Variants in COL5A2 observed in about 807,000 individuals in gnomAD.
COL5A2 encodes collagen alpha-2(V) chain.
In COL5A2, 23 loss-of-function variants were observed where a neutral mutation model predicts 208.2. The ratio of observed to expected loss-of-function variants is 0.11; its 90% CI spans 0.08 to 0.16. The LOEUF is 0.16. COL5A2 is among the 10% of genes least tolerant of loss of function. COL5A2 has a pLI of 1.00. For synonymous variants in COL5A2, 625 were observed against 628.5 expected, an observed-to-expected ratio of 0.99 and a Z score of 0.08; for missense variants, 1,590 against 1,956.4, an observed-to-expected ratio of 0.81 and a Z score of 3.53.
At chr2:189,314,428 C>G in the COL5A2 span, among the ~76,000 whole-genome samples, 2 of 152,138 alleles carry the variant, frequency 1.3e-5, no homozygotes, top group African/African-American at 2.4e-5. Context: ...GTCTCTGGGA[C>G]AGTTACAGCA....
chr2:189,058,919 T>C (rs764613922), intron 31 of COL5A2, 26 bp from the exon 32 acceptor site: 2 of 1,591,792 alleles, frequency 1.3e-6, no homozygotes, highest in Admixed American at 3.3e-5. Flanking sequence ...TTTTTTTTAA[T>C]GGAACAAGAG....
At chr2:189,269,217 T>A in the COL5A2 span, among the ~76,000 whole-genome samples, 8 of 152,140 alleles carry the variant, frequency 5.3e-5, no homozygotes, top group Non-Finnish European at 8.8e-5. Flanking sequence ...AAATTATTCC[T>A]CACATTTTCT....
chr2:189,351,550 T>C, the COL5A2 span, among the ~76,000 whole-genome samples: 85,807 of 152,050 alleles, frequency 0.56, 26,068 homozygotes, highest in East Asian at 0.71. Flanking sequence ...TGGGTGTGTA[T>C]GTGTATATAA....
At chr2:189,419,024 A>T in the COL5A2 span, among the ~76,000 whole-genome samples, 2 of 152,186 alleles carry the variant, frequency 1.3e-5, no homozygotes, top group Admixed American at 6.5e-5. Context: ...CAAACCCCCA[A>T]GGGTAACCCA....
At chr2:189,320,114 A>G in the COL5A2 span, among the ~76,000 whole-genome samples, 1 of 152,220 alleles carries the variant, frequency 6.6e-6, no homozygotes, top group Non-Finnish European at 1.5e-5. Flanking sequence ...TCCGACTATT[A>G]AAAGGAAAAC....
At chr2:189,299,931 G>C in the COL5A2 span, among the ~76,000 whole-genome samples, 1 of 152,130 alleles carries the variant, frequency 6.6e-6, no homozygotes, top group Non-Finnish European at 1.5e-5. Flanking sequence ...TGGAACTAGA[G>C]ACTTGTGTAA....
At chr2:189,059,230 T>A (rs927356163) in intron 31 of COL5A2, among the ~76,000 whole-genome samples, 3 of 151,980 alleles carry the variant, frequency 2.0e-5, no homozygotes, top group African/African-American at 7.2e-5. Flanking sequence ...TAATGGAAGA[T>A]GAAAAAGTTT....
intron 31 of COL5A2, among the ~76,000 whole-genome samples, chr2:189,059,356 T>C (rs1685970107): frequency 6.6e-6 from 1 of 152,092 alleles, no homozygotes; most frequent in South Asian, 2.1e-4. Flanking sequence ...CAAAGCACTC[T>C]ACTAGGTATT....
chr2:189,229,443 A>AC (rs1689455186), upstream of COL5A2, among the ~76,000 whole-genome samples: 1 of 42,398 alleles, frequency 2.4e-5, no homozygotes, highest in Non-Finnish European at 6.4e-5. Flanking sequence ...CACACACACA[A>AC]AAAAAAAACC....
chr2:189,198,554 A>C (rs778311111), intron 1 of COL5A2, among the ~76,000 whole-genome samples: 3 of 152,188 alleles, frequency 2.0e-5, no homozygotes, highest in African/African-American at 4.8e-5. Flanking sequence ...ATGGACAAGA[A>C]AAAGTTGTAT....
Position 189,066,733 on chromosome 2 carries a change from T to C in COL5A2, c.1451A>G (p.Glu484Gly), listed in dbSNP as rs778752185. The stretch of plus-strand genomic sequence containing the variant: ...ATTAAAACAATGAAACCTTACTGGT[T>C]CCCCTTTTGGGCCAGCTTCTCCTTT... ...GFKGEAGPKG[E>G]PGPHGIQGPI... The change falls in exon 22 of 54, where the codon GAA becomes GGA. Residue 484 changes from glutamate (E) to glycine (G), a missense_variant. Physicochemically the swap from Glu to Gly is moderately conservative, Grantham distance 98. Coordinates refer to ENST00000374866, the MANE Select transcript of COL5A2 (RefSeq NM_000393.5). 2 of 1,612,668 alleles carry C rather than the reference T, an allele frequency of 1.2e-6. No homozygotes were observed. Among genetic ancestry groups the C allele is most frequent in the East Asian group, 2.2e-5 (1 of 44,862 alleles).
intron 43 of COL5A2, 37 bp downstream of exon 43, chr2:189,050,532 C>T: frequency 1.4e-6 from 2 of 1,429,344 alleles, no homozygotes; most frequent in Non-Finnish European, 1.9e-6. Context: ...TTGTATTGCA[C>T]ATATGAGATA....
At chr2:189,432,057 A>G in the COL5A2 span, among the ~76,000 whole-genome samples, 1 of 152,210 alleles carries the variant, frequency 6.6e-6, no homozygotes, top group Non-Finnish European at 1.5e-5. Flanking sequence ...ATTCTTAAAG[A>G]GAAGAATTTT....
the COL5A2 span, among the ~76,000 whole-genome samples, chr2:189,281,059 T>G: frequency 1.8e-4 from 28 of 152,196 alleles, no homozygotes; most frequent in African/African-American, 6.7e-4. Context: ...TAACAATATA[T>G]TTGCACGTTG....
At chr2:189,353,512 T>C in the COL5A2 span, among the ~76,000 whole-genome samples, 2 of 152,168 alleles carry the variant, frequency 1.3e-5, no homozygotes, top group Admixed American at 6.5e-5. Context: ...TCACATCCCT[T>C]GTAAGTTGGA....
the COL5A2 span, among the ~76,000 whole-genome samples, chr2:189,251,818 C>G: frequency 1.3e-5 from 2 of 152,102 alleles, no homozygotes; most frequent in Non-Finnish European, 2.9e-5. Context: ...TCAGAGTGAA[C>G]AGCCAATCTA....
chr2:189,288,567 A>G, the COL5A2 span, among the ~76,000 whole-genome samples: 1 of 152,190 alleles, frequency 6.6e-6, no homozygotes, highest in Non-Finnish European at 1.5e-5. Flanking sequence ...AAGAGATTAA[A>G]CCAGTAATGA....
At chr2:189,339,620 A>G in the COL5A2 span, among the ~76,000 whole-genome samples, 1 of 152,196 alleles carries the variant, frequency 6.6e-6, no homozygotes, top group African/African-American at 2.4e-5. Flanking sequence ...TCTCAAATTC[A>G]TCTCCTCAAC....
chr2:189,109,430 T>C (rs1346527189), intron 2 of COL5A2, among the ~76,000 whole-genome samples: 1 of 152,138 alleles, frequency 6.6e-6, no homozygotes, highest in Non-Finnish European at 1.5e-5. Flanking sequence ...GAAACCTTTA[T>C]TGTATTTGCT....
Sources: gnomAD v4.1 joint callset for allele counts (sites outside exome capture counted in the v4.1 genomes callset) on GRCh38, gnomAD v4.1.1 for gene constraint, MANE v1.5 for transcripts, NCBI Gene and HGNC (gene_info 2026-07-23, HGNC 2026-07-21) for gene names.